Variants in CUBN observed in about 807,000 individuals in gnomAD.
CUBN encodes the protein 460 kDa receptor.
Under a neutral mutation model 405.3 loss-of-function variants are expected in CUBN, and 282 were observed. That is an observed-to-expected ratio of 0.70 (90% confidence interval 0.63 to 0.77). The LOEUF (loss-of-function observed/expected upper bound fraction) is 0.77, where lower values mean the gene tolerates loss of function less well. CUBN is among the 30% of genes least tolerant of loss of function. CUBN has a pLI of 0.00. For missense variants in CUBN, 4,514 were observed against 4,475.2 expected (o/e 1.01, Z -0.25); for synonymous variants, 1,684 against 1,617.0 (o/e 1.04, Z -0.99).
At chr10:17,103,635 C>G (rs1028127415) in intron 12 of CUBN, among the ~76,000 whole-genome samples, 1 of 152,220 alleles carries the variant, frequency 6.6e-6, no homozygotes, top group Non-Finnish European at 1.5e-5. Flanking sequence ...GTATTTTACA[C>G]TTTCATATTT....
intron 31 of CUBN, among the ~76,000 whole-genome samples, chr10:16,966,403 C>A (rs1843392066): frequency 6.6e-6 from 1 of 152,084 alleles, no homozygotes. Context: ...AACCGCCATT[C>A]TCTGGTCTAG....
At chr10:17,015,702 CT>C (rs1202796949) in intron 28 of CUBN, among the ~76,000 whole-genome samples, 6 of 152,208 alleles carry the variant, frequency 3.9e-5, no homozygotes, top group African/African-American at 1.4e-4. Flanking sequence ...TTGGGGACTT[CT>C]TGCCCAGAGA....
At chr10:16,922,232 A>C (rs536889342) in intron 43 of CUBN, among the ~76,000 whole-genome samples, 1 of 152,106 alleles carries the variant, frequency 6.6e-6, no homozygotes, top group African/African-American at 2.4e-5. Flanking sequence ...GGATCCACCC[A>C]GCCAAAAACC....
chr10:17,041,343 T>C (rs1835014873), intron 26 of CUBN, 123 bp from the exon 27 acceptor site: 1 of 728,902 alleles, frequency 1.4e-6, no homozygotes, highest in South Asian at 1.5e-5. Flanking sequence ...ACATATATGA[T>C]GTGTATATAT....
chr10:16,849,063 T>C (rs935430848), intron 60 of CUBN, among the ~76,000 whole-genome samples: 6 of 152,154 alleles, frequency 3.9e-5, no homozygotes, highest in African/African-American at 1.4e-4. Flanking sequence ...TTGCTATCTT[T>C]AGTCTTTCAT....
At position 17,008,355 on chromosome 10, in the gene CUBN, G is replaced by T. The variant is rs555088116; in HGVS notation, c.4168+11478C>A. Among the ~76,000 whole-genome samples the T allele has an allele frequency of 4.9e-3, 505 of 102,812 alleles. 4 individuals carry two copies. The highest frequency in any genetic ancestry group is 9.8e-3 in the Admixed American group (92 of 9,366). 67.4% of individuals were successfully genotyped at this position (102,812 alleles called of 152,430 possible). A position where few individuals can be genotyped will look rare whatever the true frequency, so the allele number is the denominator to read the frequency against. On this transcript the variant is annotated intron_variant, in intron 28 of 66. Transcript: ENST00000377833. ...CTCCCCGTGTGTGTGTGTGTGTGTG[G>T]TGTGTGTGTGTGTCTTGAGCATTGA...
chr10:17,095,687 C>T (rs1836358404), intron 14 of CUBN, among the ~76,000 whole-genome samples: 1 of 151,968 alleles, frequency 6.6e-6, no homozygotes, highest in Non-Finnish European at 1.5e-5. Context: ...TATGGAGGTT[C>T]CTCAAAAAAT....
intron 53 of CUBN, among the ~76,000 whole-genome samples, chr10:16,899,927 A>C (rs1227802590): frequency 6.6e-6 from 1 of 152,212 alleles, no homozygotes; most frequent in African/African-American, 2.4e-5. Context: ...GTGATATACA[A>C]GATTTACAGA....
At chr10:17,042,471 T>C (rs1260255315) in intron 26 of CUBN, among the ~76,000 whole-genome samples, 1 of 152,120 alleles carries the variant, frequency 6.6e-6, no homozygotes, top group African/African-American at 2.4e-5. Context: ...TGATTTTGCC[T>C]CTTATGTGCA....
Position 16,893,478 on chromosome 10 carries a change from A to G in CUBN, c.8599-2951T>C, listed in dbSNP as rs556410945. 2.0e-4 allele frequency among the ~76,000 whole-genome samples: 30 copies of G among 152,254 alleles called. 1 individual carries two copies. The South Asian group carries it at 5.8e-3, about 29-fold the overall frequency. ...GCATTCAAGATACTGAAATTCCAATACCACAGGAATCCCTAAGTTGCTTTT... is the reference window on the plus strand; with the variant it reads ...GCATTCAAGATACTGAAATTCCAATGCCACAGGAATCCCTAAGTTGCTTTT... On this transcript the variant is annotated intron_variant, in intron 54 of 66. Transcript: ENST00000377833.
chr10:17,056,182 G>A (rs182949915), intron 22 of CUBN, among the ~76,000 whole-genome samples: 54 of 152,164 alleles, frequency 3.5e-4, no homozygotes, highest in African/African-American at 1.2e-3. Flanking sequence ...GGGGGTGAAG[G>A]AGAATCTTTT....
chr10:16,888,762 T>C (rs150838977), intron 55 of CUBN, among the ~76,000 whole-genome samples, 196 bp from the exon 56 acceptor site: 6 of 152,194 alleles, frequency 3.9e-5, no homozygotes, highest in African/African-American at 1.4e-4. Context: ...ATATTATACA[T>C]TTTTAGAAAA....
chr10:16,994,708 T>C (rs1370633863), intron 28 of CUBN, among the ~76,000 whole-genome samples: 1 of 152,192 alleles, frequency 6.6e-6, no homozygotes, highest in Non-Finnish European at 1.5e-5. Context: ...AATACAGAAG[T>C]TTTTAACACC....
In CUBN at chr10:17,046,007, T is replaced by G. The variant is rs1801228; in HGVS notation, c.3417A>C (p.Leu1139=). The G allele has an allele frequency of 6.2e-7, 1 of 1,613,864 alleles. No individual in the cohort carries two copies. The highest frequency in any genetic ancestry group is 8.5e-7 in the Non-Finnish European group (1 of 1,179,870). Residue 1139 remains leucine (L), a synonymous_variant, in exon 24 of 67, where the codon CTA becomes CTC. Transcript: ENST00000377833. ...TTTGGTCACTCTTAAATTTTAACCA[T>G]AGTTTGTTACTATGAGAGATGATTG... ...PPTIISHSNK[L]WLKFKSDQID...
chr10:17,071,756 T>C, intron 18 of CUBN, 71 bp downstream of exon 18: 8 of 1,558,508 alleles, frequency 5.1e-6, no homozygotes, highest in South Asian at 1.1e-5. Flanking sequence ...ATAAAATGAC[T>C]AAATTATTTT....
chr10:16,928,310 T>C lies in CUBN; in HGVS notation c.6125-7A>G. On this transcript the variant is annotated splice_region_variant and splice_polypyrimidine_tract_variant and intron_variant, in intron 40 of 66. Coordinates refer to ENST00000377833, the MANE Select transcript of CUBN (RefSeq NM_001081.4). ...TGGGCCAAGTTATTATCTCCTACGTTGAAAGAAAGGGAACAACATGAAAAT... is the reference window on the plus strand; with the variant it reads ...TGGGCCAAGTTATTATCTCCTACGTCGAAAGAAAGGGAACAACATGAAAAT... 6.2e-7 allele frequency: 1 copy of C among 1,613,578 alleles called. No homozygotes were observed. The highest frequency in any genetic ancestry group is 1.1e-5 in the South Asian group (1 of 91,060).
At chr10:17,013,624 G>A (rs150015471) in intron 28 of CUBN, among the ~76,000 whole-genome samples, 2 of 152,294 alleles carry the variant, frequency 1.3e-5, no homozygotes, top group South Asian at 2.1e-4. Context: ...TCCCCCAGAG[G>A]TTAGGAACTC....
chr10:16,927,276 T>A lies in CUBN; in HGVS notation c.6271+881A>T, dbSNP rs141283647. On this transcript the variant is annotated intron_variant, in intron 41 of 66. Coordinates refer to ENST00000377833, the MANE Select transcript of CUBN (RefSeq NM_001081.4). ...GAGGATAAAAGGAGGAGGCATTAAT[T>A]CTCCAGTTGTCAGGGACCAGAAGCT... 6.5e-4 allele frequency among the ~76,000 whole-genome samples: 99 copies of A among 151,988 alleles called. No individual in the cohort carries two copies. The East Asian group carries it at 0.018, about 28-fold the overall frequency.
intron 22 of CUBN, among the ~76,000 whole-genome samples, chr10:17,054,578 C>T (rs569045363): frequency 3.3e-5 from 5 of 151,592 alleles, no homozygotes; most frequent in Non-Finnish European, 5.9e-5. Flanking sequence ...TCTACCAAAA[C>T]TGATCAAAGA....
Sources: allele counts gnomAD v4.1 joint callset (sites outside exome capture counted in the v4.1 genomes callset), GRCh38; gene constraint gnomAD v4.1.1; transcripts MANE v1.5; gene names NCBI Gene and HGNC (gene_info 2026-07-23, HGNC 2026-07-21).